The following LATS2 variants were observed in gnomAD, a reference collection of about 807,000 sequenced individuals.
LATS2 encodes large tumor suppressor kinase 2.
LATS2 carries 24 observed loss-of-function variants against 76.0 expected under a neutral mutation model. The ratio of observed to expected loss-of-function variants is 0.32; its 90% confidence interval spans 0.23 to 0.44. The LOEUF (loss-of-function observed/expected upper bound fraction) is 0.44. Among genes scored for constraint, LATS2 ranks in the 20% least tolerant of loss-of-function variants. LATS2 has a pLI of 1.00. For synonymous variants in LATS2, 692 were observed against 635.4 expected, an observed-to-expected ratio of 1.09 and a Z score of -1.34; for missense variants, 1,286 against 1,481.2, an observed-to-expected ratio of 0.87 and a Z score of 2.16.
Position 20,990,461 on chromosome 13 carries a change from A to ATTTTTTTTTTTT in LATS2, c.475+799_475+810dup, listed in dbSNP as rs35074574. Among the ~76,000 whole-genome samples, 62 of 94,518 alleles carry ATTTTTTTTTTTT rather than the reference A, an allele frequency of 6.6e-4. 9 individuals are homozygous for ATTTTTTTTTTTT. The highest frequency in any genetic ancestry group is 2.1e-3 in the African/African-American group (51 of 24,378). 62.0% of individuals were successfully genotyped at this position (94,518 alleles called of 152,430 possible). ...GGGAAAACTCTTGCTAATTACTAGGATTTTTTTTTTTTTTTTTTTTTTTTT... is the reference window on the plus strand; with the variant it reads ...GGGAAAACTCTTGCTAATTACTAGGATTTTTTTTTTTTTTTTTTTTTTTTTTTTTTTTTTTTT... On this transcript the variant is annotated intron_variant, in intron 3 of 7. Coordinates refer to ENST00000382592, the MANE Select transcript of LATS2 (RefSeq NM_014572.3).
At chr13:21,030,038 T>C (rs9509491) in intron 2 of LATS2, among the ~76,000 whole-genome samples, 118,205 of 151,630 alleles carry the variant, frequency 0.78, 46,207 homozygotes, top group East Asian at 0.89. Context: ...TCAGGAGAAT[T>C]GCTTGAACCT....
chr13:20,988,807 C>T lies in LATS2; in HGVS notation c.973G>A (p.Ala325Thr). The change falls in exon 4 of 8, where the codon GCC becomes ACC. Residue 325 changes from alanine to threonine, a missense_variant. By Grantham distance (58) the Ala-to-Thr change is moderately conservative. Coordinates refer to ENST00000382592, the MANE Select transcript of LATS2 (RefSeq NM_014572.3). ...HPHHKQAGPAAHQLHVLGSRS... is the reference protein window; with the variant it reads ...HPHHKQAGPATHQLHVLGSRS... ...GAGCCCAGCACATGCAGCTGGTGGGCCGCGGGACCGGCCTGCTTGTGGTGT... is the reference window on the plus strand; with the variant it reads ...GAGCCCAGCACATGCAGCTGGTGGGTCGCGGGACCGGCCTGCTTGTGGTGT... 1 of 1,596,094 alleles carries T rather than the reference C, an allele frequency of 6.3e-7. No individual in the cohort carries two copies. Among genetic ancestry groups the T allele is most frequent in the African/African-American group, 1.3e-5 (1 of 74,784 alleles).
chr13:21,011,503 A>G (rs1871591434), intron 2 of LATS2, among the ~76,000 whole-genome samples: 1 of 152,250 alleles, frequency 6.6e-6, no homozygotes, highest in African/African-American at 2.4e-5. Flanking sequence ...CCTCAGGTCC[A>G]GCAACACTTT....
chr13:21,054,142 T>C (rs4769147), intron 1 of LATS2, among the ~76,000 whole-genome samples: 125,193 of 152,192 alleles, frequency 0.82, 51,827 homozygotes, highest in South Asian at 0.91. Flanking sequence ...GTTTGAACAA[T>C]GGCTCCCTTT....
In LATS2 at chr13:21,021,529, T is replaced by C. The variant is rs147787318; in HGVS notation, c.342+24156A>G. ...AGCTTTGTAAAAGGCATTTCTGATA[T>C]GCACGTTTAAGTTTCTGGAGAAAAC... On this transcript the variant is annotated intron_variant, in intron 2 of 7. Transcript: ENST00000382592. Among the ~76,000 whole-genome samples, 71 of 140,542 alleles carry C rather than the reference T, an allele frequency of 5.1e-4. 1 individual carries two copies. Among genetic ancestry groups the C allele is most frequent in the African/African-American group, 1.6e-3 (61 of 38,338 alleles). 92.2% of individuals were successfully genotyped at this position (140,542 alleles called of 152,430 possible). A position where few individuals can be genotyped will look rare whatever the true frequency, so the allele number is the denominator to read the frequency against.
At chr13:21,001,878 C>T (rs892381392) in intron 2 of LATS2, among the ~76,000 whole-genome samples, 1 of 149,416 alleles carries the variant, frequency 6.7e-6, no homozygotes, top group Non-Finnish European at 1.5e-5. Context: ...GACTCCGTCT[C>T]AAAAAAATAG....
At chr13:21,015,900 T>C (rs978402962) in intron 2 of LATS2, among the ~76,000 whole-genome samples, 2 of 151,776 alleles carry the variant, frequency 1.3e-5, no homozygotes, top group African/African-American at 4.8e-5. Context: ...GGTTTCACCA[T>C]GTTGGTCAGG....
chr13:21,009,641 T>C (rs374711207), intron 2 of LATS2, among the ~76,000 whole-genome samples: 239 of 152,352 alleles, frequency 1.6e-3, no homozygotes, highest in Admixed American at 3.2e-3. Context: ...TCATAGCTGT[T>C]ACATAACAAT....
chr13:20,982,681 T>C (rs908770343), intron 5 of LATS2, among the ~76,000 whole-genome samples: 1 of 152,022 alleles, frequency 6.6e-6, no homozygotes, highest in Non-Finnish European at 1.5e-5. Context: ...CCGTGACACC[T>C]TGTAGCCTAC....
Position 20,983,563 on chromosome 13 carries a change from C to A in LATS2, c.2143G>T (p.Ala715Ser), listed in dbSNP as rs767270051. Residue 715 changes from alanine to serine, a missense_variant, in exon 5 of 8, where the codon GCC becomes TCC. Around this residue, in one of 5 missense-constraint regions of LATS2, gnomAD observed 247 missense variants for 385.4 expected, o/e 0.64. Transcript: ENST00000382592. ...GCCTCGGCCAGGATGTCCCTCTCGG[C>A]CTTGACGTGGGCCACCTGATTCCGG... The part of the protein sequence containing the change: ...LNRNQVAHVK[A>S]ERDILAEADN... 6.2e-7 allele frequency: 1 copy of A among 1,614,104 alleles called. No homozygotes were observed. The highest frequency in any genetic ancestry group is 1.1e-5 in the South Asian group (1 of 91,070).
At chr13:21,058,970 C>T (rs1210382237) in intron 1 of LATS2, among the ~76,000 whole-genome samples, 3 of 151,326 alleles carry the variant, frequency 2.0e-5, no homozygotes, top group Non-Finnish European at 4.4e-5. Context: ...AAGCAGCTTA[C>T]CAAAAATATA....
chr13:20,989,088 G>GGGTGCT lies in LATS2; in HGVS notation c.686_691dup (p.Gln229_His230dup), dbSNP rs780234119. 7.5e-6 allele frequency: 12 copies of GGGTGCT among 1,598,058 alleles called. 1 individual carries two copies. Among genetic ancestry groups the GGGTGCT allele is most frequent in the South Asian group, 3.3e-5 (3 of 90,194 alleles). ...TACGCTGGCACCGTAGCCCTTGGGT[G>GGGTGCT]GGTGCTGGTGCTGGTGGCCGGGCCC... On this transcript the variant is annotated inframe_insertion, in exon 4 of 8. Coordinates refer to ENST00000382592, the MANE Select transcript of LATS2 (RefSeq NM_014572.3).
Position 20,981,374 on chromosome 13 carries a change from T to TATGACAAAAATATGAC in LATS2, c.2665+91_2665+92insGTCATATTTTTGTCAT. 4 of 1,181,350 alleles carry TATGACAAAAATATGAC rather than the reference T, an allele frequency of 3.4e-6. No individual in the cohort carries two copies. The South Asian group carries it at 6.0e-5, about 18-fold the overall frequency. The allele number at this position is 1,181,350 out of a possible 1,614,324, so 73.2% of individuals were successfully genotyped here. ...GAGGACAAAAATATGACTGGAAGCA[T>TATGACAAAAATATGAC]TAGGTCCTTGGAAAGCTAGAGCCAG... On this transcript the variant is annotated intron_variant, in intron 6 of 7. Coordinates refer to ENST00000382592, the MANE Select transcript of LATS2 (RefSeq NM_014572.3).
chr13:21,003,434 C>CT (rs532303699), intron 2 of LATS2, among the ~76,000 whole-genome samples: 2 of 138,918 alleles, frequency 1.4e-5, no homozygotes, highest in African/African-American at 5.6e-5. Flanking sequence ...GTCTGTCTTT[C>CT]TTTTTTTTCC....
chr13:20,990,720 G>C (rs574250893), intron 3 of LATS2, among the ~76,000 whole-genome samples: 1 of 152,082 alleles, frequency 6.6e-6, no homozygotes, highest in East Asian at 1.9e-4. Context: ...TCCATCTTGG[G>C]AAAGTAACAT....
At chr13:21,001,501 C>A (rs1470567421) in intron 2 of LATS2, among the ~76,000 whole-genome samples, 3 of 152,180 alleles carry the variant, frequency 2.0e-5, no homozygotes, top group Admixed American at 6.5e-5. Flanking sequence ...TGAGCCTCAC[C>A]CTCAAGAAGG....
At chr13:20,982,375 G>A (rs922944509) in intron 5 of LATS2, among the ~76,000 whole-genome samples, 5 of 152,178 alleles carry the variant, frequency 3.3e-5, no homozygotes, top group Non-Finnish European at 7.3e-5. Context: ...GCAATGGCGC[G>A]ATCTCAGCTC....
At chr13:21,000,411 T>C (rs1870990214) in intron 2 of LATS2, among the ~76,000 whole-genome samples, 1 of 151,902 alleles carries the variant, frequency 6.6e-6, no homozygotes, top group Non-Finnish European at 1.5e-5. Context: ...TAAAGATAAA[T>C]GTGCTGGTAA....
chr13:20,994,079 A>AT (rs1870633397), intron 2 of LATS2, among the ~76,000 whole-genome samples: 1 of 152,182 alleles, frequency 6.6e-6, no homozygotes, highest in Non-Finnish European at 1.5e-5. Context: ...ATGTTCTCAA[A>AT]TTCCCTCCCT....
Sources: allele counts gnomAD v4.1 joint callset (sites outside exome capture counted in the v4.1 genomes callset), GRCh38; gene constraint gnomAD v4.1.1; regional missense constraint gnomAD v4.1.1; transcripts MANE v1.5; gene names NCBI Gene and HGNC (gene_info 2026-07-23, HGNC 2026-07-21).